The following SOX6 variants were observed in gnomAD, a reference collection of about 807,000 sequenced individuals.
SOX6 encodes the protein transcription factor SOX-6.
In SOX6, 11 loss-of-function variants were observed where a neutral mutation model predicts 97.8. That is an observed-to-expected ratio of 0.11 (90% confidence interval 0.07 to 0.19). The LOEUF (loss-of-function observed/expected upper bound fraction) is 0.19, where lower values mean the gene tolerates loss of function less well. Ranked by LOEUF, SOX6 falls within the 10% of genes least tolerant of loss-of-function variation. SOX6 has a pLI of 1.00. For synonymous variants in SOX6, 360 were observed against 371.4 expected (o/e 0.97, Z 0.35); for missense variants, 810 against 1,039.5 (o/e 0.78, Z 3.04).
At chr11:16,320,662 G>T (rs554997754) in intron 2 of SOX6, among the ~76,000 whole-genome samples, 1 of 152,198 alleles carries the variant, frequency 6.6e-6, no homozygotes, top group African/African-American at 2.4e-5. Context: ...GAGGAATTAT[G>T]AAGTAAAAAA....
chr11:16,508,357 T>C lies in SOX6; in HGVS notation n.610-31969A>G, dbSNP rs976571958. On this transcript the variant is annotated intron_variant and non_coding_transcript_variant, in intron 4 of 5. Coordinates refer to the SOX6 transcript ENST00000524520. ...TCCAGCAATCCAGCTACTAGGTATT[T>C]ATCCAAAGGAAAGGAAATCAGTATA... Among the ~76,000 whole-genome samples, 3 of 152,292 alleles carry C rather than the reference T, an allele frequency of 2.0e-5. No homozygotes were observed. The South Asian group carries it at 6.2e-4, about 32-fold the overall frequency.
At chr11:16,174,770 G>A (rs2134089104) in intron 6 of SOX6, among the ~76,000 whole-genome samples, 1 of 151,990 alleles carries the variant, frequency 6.6e-6, no homozygotes, top group Admixed American at 6.6e-5. Context: ...TGCATTTTGT[G>A]CAGCTAAAAC....
At chr11:16,660,487 G>A (rs529060881) in intron 3 of SOX6, among the ~76,000 whole-genome samples, 2 of 152,292 alleles carry the variant, frequency 1.3e-5, no homozygotes, top group South Asian at 4.1e-4. Flanking sequence ...TTCTAAATTT[G>A]TTGGTTTTGA....
chr11:15,989,196 T>C lies in SOX6; in HGVS notation c.1767A>G (p.Leu589=). ...CTGTTGGCCAACAATAATACTGCTG[T>C]AGTTTAGCTGCAGAGCCATTCATTG... ...SKAMNGSAAK[L]QQYYCWPTGG... is the part of the protein sequence containing the mutation. Residue 589 remains leucine (L), a synonymous_variant, in exon 14 of 16, where the codon CTA becomes CTG. Coordinates refer to ENST00000683767, the MANE Select transcript of SOX6 (RefSeq NM_001367873.1). The C allele has an allele frequency of 1.2e-6, 2 of 1,612,566 alleles. No homozygotes were observed. The highest frequency in any genetic ancestry group is 1.1e-5 in the South Asian group (1 of 91,054).
At chr11:16,307,049 C>A in intron 3 of SOX6, among the ~76,000 whole-genome samples, 2 of 152,238 alleles carry the variant, frequency 1.3e-5, no homozygotes, top group South Asian at 4.1e-4. Context: ...TATATGTTTG[C>A]GCAAGTGCAA....
chr11:16,239,667 C>T (rs916526088), intron 3 of SOX6, among the ~76,000 whole-genome samples: 1 of 152,066 alleles, frequency 6.6e-6, no homozygotes, highest in Non-Finnish European at 1.5e-5. Context: ...AGAAAGCATG[C>T]CTTTCCCATA....
intron 9 of SOX6, among the ~76,000 whole-genome samples, chr11:16,074,931 T>G (rs1305195205): frequency 6.6e-6 from 1 of 151,974 alleles, no homozygotes; most frequent in Non-Finnish European, 1.5e-5. Context: ...AAGCAAAATA[T>G]AAAGGTGGAG....
At chr11:16,426,758 C>T (rs1859146836) in intron 1 of SOX6, among the ~76,000 whole-genome samples, 1 of 150,880 alleles carries the variant, frequency 6.6e-6, no homozygotes, top group Admixed American at 6.6e-5. Flanking sequence ...ACTAAAAATA[C>T]AAAAAATTAG....
chr11:16,352,988 A>T (rs1044507859), intron 1 of SOX6, among the ~76,000 whole-genome samples: 11 of 152,028 alleles, frequency 7.2e-5, no homozygotes, highest in Non-Finnish European at 1.6e-4. Context: ...TTTCTAACAA[A>T]TATTTGTTGG....
chr11:16,128,496 A>G lies in SOX6; in HGVS notation c.778-16573T>C, dbSNP rs796691012. Among the ~76,000 whole-genome samples the G allele has an allele frequency of 2.6e-5, 4 of 152,198 alleles. No individual in the cohort carries two copies. In the South Asian group the frequency reaches 8.3e-4, roughly 31 times the overall value. ...GGCTTATAATAAAAGTAAGGCCAAA[A>G]GAGAAGTGACTTGCCAAGGTCACAA... is the stretch of plus-strand genomic sequence containing the variant. On this transcript the variant is annotated intron_variant, in intron 6 of 15. Coordinates refer to ENST00000683767, the MANE Select transcript of SOX6 (RefSeq NM_001367873.1).
In SOX6 at chr11:16,356,468, C is replaced by A. The variant is rs1182255632; in HGVS notation, c.-379G>T. On this transcript the variant is annotated 5_prime_UTR_variant, in exon 1 of 16. It removes the in-frame stop codon of an upstream open reading frame in the 5' UTR. Transcript: ENST00000683767. ...AGTTAAGCAAACTTTACAAGCTAGT[C>A]AAGCCATCATCCAATAGAGCCTATT... Among the ~76,000 whole-genome samples the A allele has an allele frequency of 6.6e-6, 1 of 152,132 alleles. No homozygotes were observed. The highest frequency in any genetic ancestry group is 1.5e-5 in the Non-Finnish European group (1 of 68,012).
chr11:16,286,071 C>T (rs1854731995), intron 3 of SOX6, among the ~76,000 whole-genome samples: 1 of 152,026 alleles, frequency 6.6e-6, no homozygotes, highest in Non-Finnish European at 1.5e-5. Flanking sequence ...TGAAATAAAG[C>T]AAAATATCAT....
chr11:16,158,865 GGTGTGTGT>G (rs10549567), intron 6 of SOX6, among the ~76,000 whole-genome samples: 35 of 145,984 alleles, frequency 2.4e-4, no homozygotes, highest in East Asian at 4.0e-4. Flanking sequence ...TGAAGTTACA[GGTGTGTGT>G]GTGTGTGTGT....
At chr11:16,249,584 A>C (rs1289830133) in intron 3 of SOX6, among the ~76,000 whole-genome samples, 1 of 152,130 alleles carries the variant, frequency 6.6e-6, no homozygotes, top group Non-Finnish European at 1.5e-5. Flanking sequence ...TTCCAAAGTC[A>C]CTTCCACATT....
At chr11:16,602,907 G>C (rs1848287598) in intron 4 of SOX6, among the ~76,000 whole-genome samples, 1 of 152,094 alleles carries the variant, frequency 6.6e-6, no homozygotes, top group South Asian at 2.1e-4. Context: ...TGTAATCCCA[G>C]TTACTCGGGA....
At chr11:16,119,196 C>A (rs569598309) in intron 6 of SOX6, among the ~76,000 whole-genome samples, 2 of 152,124 alleles carry the variant, frequency 1.3e-5, no homozygotes, top group Non-Finnish European at 2.9e-5. Flanking sequence ...AAAGGAAAAG[C>A]CTTCAAGGTC....
intron 4 of SOX6, among the ~76,000 whole-genome samples, chr11:16,560,051 T>G (rs1847791413): frequency 6.6e-6 from 1 of 152,204 alleles, no homozygotes; most frequent in South Asian, 2.1e-4. Context: ...AATGTCAGAC[T>G]GCCCTTAAGA....
intron 3 of SOX6, among the ~76,000 whole-genome samples, chr11:16,710,180 T>C (rs963930946): frequency 6.6e-6 from 1 of 152,214 alleles, no homozygotes; most frequent in South Asian, 2.1e-4. Flanking sequence ...AAAACAAAAT[T>C]AACATCTTGA....
chr11:16,599,066 T>C (rs1565190041), intron 4 of SOX6, among the ~76,000 whole-genome samples: 1 of 152,170 alleles, frequency 6.6e-6, no homozygotes, highest in African/African-American at 2.4e-5. Flanking sequence ...ATACGTATCA[T>C]CATTGAAGAG....
Sources: allele counts gnomAD v4.1 joint callset (sites outside exome capture counted in the v4.1 genomes callset), GRCh38; gene constraint gnomAD v4.1.1; transcripts MANE v1.5; gene names NCBI Gene and HGNC (gene_info 2026-07-23, HGNC 2026-07-21).